Variants in BCAP29 observed in about 807,000 individuals in gnomAD.
BCAP29 encodes B-cell receptor-associated protein 29.
Under a neutral mutation model 31.8 loss-of-function variants are expected in BCAP29, and 34 were observed. The ratio of observed to expected loss-of-function variants is 1.07; its 90% CI spans 0.81 to 1.42. BCAP29 has a LOEUF of 1.42. BCAP29 is among the 40% of genes most tolerant of loss of function. The probability of loss-of-function intolerance (pLI) is 0.00; values close to 1 mark genes in which losing one functional copy is unlikely to be tolerated. For synonymous variants in BCAP29, 104 were observed against 91.3 expected, an observed-to-expected ratio of 1.14 and a Z score of -0.79; for missense variants, 314 against 269.2, an observed-to-expected ratio of 1.17 and a Z score of -1.16.
chr7:107,615,381 T>G (rs565237023), intron 7 of BCAP29: 4 of 454,920 alleles, frequency 8.8e-6, no homozygotes, highest in African/African-American at 8.0e-5. Context: ...GGCGGGCGGA[T>G]CATGGGAGAT....
At chr7:107,590,238 A>T (rs1377439617) in intron 3 of BCAP29, among the ~76,000 whole-genome samples, 1 of 152,184 alleles carries the variant, frequency 6.6e-6, no homozygotes, top group Admixed American at 6.5e-5. Context: ...TTGAATATTG[A>T]CAGTGAAAAA....
At chr7:107,613,311 A>T (rs1813566465) in intron 6 of BCAP29, 21 bp from the exon 7 acceptor site, 2 of 1,535,336 alleles carry the variant, frequency 1.3e-6, no homozygotes, top group South Asian at 2.3e-5. Flanking sequence ...AATAAAAATA[A>T]AACTATTCGA....
chr7:107,622,671 A>G (rs923104550), downstream of BCAP29: 4 of 152,256 alleles, frequency 2.6e-5, no homozygotes, highest in African/African-American at 9.6e-5. Context: ...CAGGAAGTGA[A>G]GAGGTCATCC....
chr7:107,621,890 T>C (rs748446632), downstream of BCAP29: 45 of 534,636 alleles, frequency 8.4e-5, no homozygotes, highest in Middle Eastern at 3.2e-4. Flanking sequence ...TGATTATTTG[T>C]TACTGCTGCC....
At chr7:107,622,580 C>A (rs1161942977), downstream of BCAP29, 1 of 152,312 alleles carries the variant, frequency 6.6e-6, no homozygotes, top group Non-Finnish European at 1.5e-5. Context: ...GCACTTACTA[C>A]CATCTGAAAT....
intron 7 of BCAP29, among the ~76,000 whole-genome samples, chr7:107,615,015 C>T (rs184834741): frequency 5.9e-5 from 9 of 152,308 alleles, no homozygotes; most frequent in Non-Finnish European, 8.8e-5. Context: ...GGTTGAGTAT[C>T]GACATTAGTG....
At chr7:107,589,130 C>T (rs1808245798) in intron 3 of BCAP29, among the ~76,000 whole-genome samples, 1 of 152,162 alleles carries the variant, frequency 6.6e-6, no homozygotes. Flanking sequence ...AAAAATCAAG[C>T]CTCTCTAAAC....
chr7:107,621,693 G>C (rs780602985), downstream of BCAP29: 1 of 472,018 alleles, frequency 2.1e-6, no homozygotes, highest in Non-Finnish European at 4.4e-6. Context: ...GGCAGAGATT[G>C]GAGTGATGGA....
chr7:107,600,120 C>T, intron 5 of BCAP29: 1 of 391,924 alleles, frequency 2.6e-6, no homozygotes, highest in Non-Finnish European at 4.8e-6. Context: ...CGTTATTTAC[C>T]TAAATACTTT....
At chr7:107,593,226 G>A (rs949608784) in intron 3 of BCAP29, among the ~76,000 whole-genome samples, 1 of 152,158 alleles carries the variant, frequency 6.6e-6, no homozygotes, top group Non-Finnish European at 1.5e-5. Flanking sequence ...TGGCTTTTGA[G>A]ACCTTATAAG....
chr7:107,613,579 C>T (rs749638027), intron 7 of BCAP29, 147 bp downstream of exon 7: 6 of 1,433,462 alleles, frequency 4.2e-6, no homozygotes, highest in Non-Finnish European at 5.8e-6. Context: ...AGATTTTTAC[C>T]TAGAGGGTAA....
chr7:107,589,543 G>A (rs1038757903), intron 3 of BCAP29, among the ~76,000 whole-genome samples: 7 of 152,196 alleles, frequency 4.6e-5, no homozygotes, highest in Admixed American at 6.5e-5. Flanking sequence ...TAATGTGAGC[G>A]ATAAGGAGTG....
At chr7:107,611,104 C>T (rs755980568) in intron 6 of BCAP29, among the ~76,000 whole-genome samples, 4 of 152,072 alleles carry the variant, frequency 2.6e-5, no homozygotes, top group Non-Finnish European at 4.4e-5. Flanking sequence ...AGGCAGCTCT[C>T]TGGGGCCTCT....
chr7:107,586,572 G>T lies in BCAP29; in HGVS notation c.193+2590G>T, dbSNP rs1036847327. Among the ~76,000 whole-genome samples, 7 of 152,254 alleles carry T rather than the reference G, an allele frequency of 4.6e-5. No individual in the cohort carries two copies. The East Asian group carries it at 1.4e-3, about 29-fold the overall frequency. On this transcript the variant is annotated intron_variant, in intron 3 of 7. Coordinates refer to ENST00000005259, the MANE Select transcript of BCAP29 (RefSeq NM_018844.4). ...CGCAGTAACATATGTAAAGTGCAGA[G>T]TCTGATGTTCGAGTCCACAACGATG... is the stretch of plus-strand genomic sequence containing the variant.
At chr7:107,584,066 G>A in intron 3 of BCAP29, 84 bp downstream of exon 3, 1 of 748,258 alleles carries the variant, frequency 1.3e-6, no homozygotes, top group East Asian at 3.1e-5. Context: ...TGTTACAATT[G>A]GTGTACAGTT....
At chr7:107,612,437 A>ATATATATATATATTTATT (rs771741951) in intron 6 of BCAP29, among the ~76,000 whole-genome samples, 2 of 113,240 alleles carry the variant, frequency 1.8e-5, no homozygotes, top group African/African-American at 7.5e-5. Flanking sequence ...ATATATATAT[A>ATATATATATATATTTATT]TATTTATTTT....
intron 4 of BCAP29, 108 bp downstream of exon 4, chr7:107,594,213 A>T: frequency 9.9e-7 from 1 of 1,013,308 alleles, no homozygotes; most frequent in South Asian, 1.7e-5. Context: ...AAGAGAGACA[A>T]CCTTTCGCTC....
In BCAP29 at chr7:107,613,319, C is replaced by G. The variant is rs746066300; in HGVS notation, c.590-13C>G. 11 of 1,557,546 alleles carry G rather than the reference C, an allele frequency of 7.1e-6. No individual in the cohort carries two copies. The highest frequency in any genetic ancestry group is 9.7e-6 in the Non-Finnish European group (11 of 1,138,526). On this transcript the variant is annotated splice_polypyrimidine_tract_variant and intron_variant, in intron 6 of 7. Transcript: ENST00000005259. ...ATTCTGAAATAAAAATAAAACTATT[C>G]GATATTTTCTAGCCCTTTCTAAGGC...
In BCAP29 at chr7:107,594,115, A is replaced by C. The variant is rs188358721; in HGVS notation, c.344+10A>C. 1.6e-5 allele frequency: 25 copies of C among 1,582,428 alleles called. No homozygotes were observed. The Admixed American group carries it at 1.9e-4, about 12-fold the overall frequency. ...CCCTATTTTTTTGGCTGTAAGTAAA[A>C]AATAATAATAGAAGCACAATTTAAA... On this transcript the variant is annotated intron_variant, in intron 4 of 7. Coordinates refer to ENST00000005259, the MANE Select transcript of BCAP29 (RefSeq NM_018844.4).
Sources: gnomAD v4.1 joint callset for allele counts (sites outside exome capture counted in the v4.1 genomes callset) on GRCh38, gnomAD v4.1.1 for gene constraint, MANE v1.5 for transcripts, NCBI Gene and HGNC (gene_info 2026-07-23, HGNC 2026-07-21) for gene names.